MTBP: variants seen among roughly 807,000 people sequenced by gnomAD.
The protein encoded by MTBP is MDM2 binding protein, also known as mdm2-binding protein.
In MTBP, 101 loss-of-function variants were observed where a neutral mutation model predicts 117.0. The ratio of observed to expected loss-of-function variants is 0.86; its 90% confidence interval spans 0.73 to 1.02. MTBP has a LOEUF of 1.02. Among genes scored for constraint, MTBP ranks in the 50% least tolerant of loss-of-function variants. The pLI is 0.00. For missense variants in MTBP, 970 were observed against 1,030.9 expected, an observed-to-expected ratio of 0.94 and a Z score of 0.81; for synonymous variants, 350 against 351.5, an observed-to-expected ratio of 1.00 and a Z score of 0.05.
intron 11 of MTBP, among the ~76,000 whole-genome samples, chr8:120,476,415 G>T (rs1813940095): frequency 6.6e-6 from 1 of 151,146 alleles, no homozygotes; most frequent in Non-Finnish European, 1.5e-5. Context: ...AGGTAATCAG[G>T]CAAGAGAAAG....
intron 11 of MTBP, among the ~76,000 whole-genome samples, chr8:120,485,000 C>T (rs1226554789): frequency 6.6e-6 from 1 of 152,026 alleles, no homozygotes; most frequent in Non-Finnish European, 1.5e-5. Flanking sequence ...AGGACATCAT[C>T]CTCTTTATTG....
chr8:120,487,893 C>T (rs1814251906), intron 11 of MTBP, among the ~76,000 whole-genome samples: 1 of 152,164 alleles, frequency 6.6e-6, no homozygotes, highest in African/African-American at 2.4e-5. Flanking sequence ...AAGAAATATA[C>T]TGTAGATATG....
At chr8:120,487,332 G>A (rs1193999384) in intron 11 of MTBP, among the ~76,000 whole-genome samples, 1 of 152,156 alleles carries the variant, frequency 6.6e-6, no homozygotes, top group Non-Finnish European at 1.5e-5. Flanking sequence ...TTTCTCTGCT[G>A]TTTTTCTCAG....
intron 10 of MTBP, among the ~76,000 whole-genome samples, chr8:120,466,211 C>CTTT (rs33994178): frequency 1.1e-4 from 14 of 128,092 alleles, no homozygotes; most frequent in African/African-American, 4.2e-4. Flanking sequence ...GTTTTTTACT[C>CTTT]TTTTTTTTTT....
intron 13 of MTBP, among the ~76,000 whole-genome samples, chr8:120,490,864 A>C (rs1814330260): frequency 6.6e-6 from 1 of 152,016 alleles, no homozygotes; most frequent in Admixed American, 6.6e-5. Context: ...TGTAAGTTTT[A>C]TTTTTCTATG....
At chr8:120,510,107 A>G (rs1260487331) in intron 17 of MTBP, 78 bp downstream of exon 17, 5 of 1,046,378 alleles carry the variant, frequency 4.8e-6, no homozygotes, top group Non-Finnish European at 6.9e-6. Context: ...CTTTAATAAA[A>G]TGATATAAAT....
At chr8:120,453,650 T>C (rs1170695518) in intron 4 of MTBP, among the ~76,000 whole-genome samples, 197 bp from the exon 5 acceptor site, 1 of 137,556 alleles carries the variant, frequency 7.3e-6, no homozygotes, top group Admixed American at 7.8e-5. Flanking sequence ...TATGTAACTT[T>C]AGGGAAGTTA....
chr8:120,515,887 T>G, intron 17 of MTBP, 38 bp from the exon 18 acceptor site: 2 of 1,587,270 alleles, frequency 1.3e-6, no homozygotes, highest in Non-Finnish European at 1.7e-6. Context: ...GTTGCTCTCA[T>G]GGAGGTTTAC....
chr8:120,454,613 G>A (rs1186559251), intron 5 of MTBP, among the ~76,000 whole-genome samples: 3 of 152,016 alleles, frequency 2.0e-5, no homozygotes, highest in East Asian at 3.8e-4. Context: ...TAAAGCATCT[G>A]TGATTAACAT....
chr8:120,504,385 A>G (rs1814651084), intron 15 of MTBP, among the ~76,000 whole-genome samples: 1 of 151,632 alleles, frequency 6.6e-6, no homozygotes, highest in African/African-American at 2.4e-5. Context: ...TCTTAATTTT[A>G]TTTTTCTTCT....
chr8:120,495,505 A>T (rs1054924522), intron 13 of MTBP, among the ~76,000 whole-genome samples: 2 of 151,166 alleles, frequency 1.3e-5, no homozygotes, highest in South Asian at 2.1e-4. Flanking sequence ...TGAAATCTGA[A>T]TTTTTTTTTA....
intron 11 of MTBP, among the ~76,000 whole-genome samples, chr8:120,476,075 G>A (rs1563792680): frequency 6.6e-6 from 1 of 151,870 alleles, no homozygotes; most frequent in Non-Finnish European, 1.5e-5. Context: ...GTCACAGGGT[G>A]GAATTAGAAT....
At chr8:120,458,440 T>C (rs1194077818) in intron 7 of MTBP, among the ~76,000 whole-genome samples, 9 of 152,164 alleles carry the variant, frequency 5.9e-5, no homozygotes, top group South Asian at 4.1e-4. Context: ...TGCCTACCAT[T>C]ACTATTATTA....
intron 4 of MTBP, among the ~76,000 whole-genome samples, chr8:120,453,029 A>G (rs1430187603): frequency 6.6e-6 from 1 of 152,212 alleles, no homozygotes; most frequent in Non-Finnish European, 1.5e-5. Context: ...TGCATCATAT[A>G]GATAAAACTA....
chr8:120,506,395 T>C (rs1814685901), intron 15 of MTBP, among the ~76,000 whole-genome samples: 1 of 152,166 alleles, frequency 6.6e-6, no homozygotes, highest in Non-Finnish European at 1.5e-5. Context: ...CACCACTGAA[T>C]AATAGGCCAT....
intron 11 of MTBP, among the ~76,000 whole-genome samples, chr8:120,481,592 T>A (rs7015268): frequency 0.54 from 81,457 of 151,954 alleles, 24,808 homozygotes; most frequent in Non-Finnish European, 0.67. Flanking sequence ...TGAAATTTCT[T>A]CAAAAGGCAG....
At chr8:120,506,135 T>C (rs1814680410) in intron 15 of MTBP, among the ~76,000 whole-genome samples, 1 of 152,184 alleles carries the variant, frequency 6.6e-6, no homozygotes, top group South Asian at 2.1e-4. Context: ...TTGAAAAATA[T>C]AAAGTCCTGC....
At chr8:120,491,825 CCT>C (rs1454436261) in intron 13 of MTBP, among the ~76,000 whole-genome samples, 1 of 152,056 alleles carries the variant, frequency 6.6e-6, no homozygotes, top group Non-Finnish European at 1.5e-5. Context: ...AGAGCAGGGA[CCT>C]CTCTAAAGCT....
chr8:120,469,796 C>CT (rs1418324691), intron 10 of MTBP, among the ~76,000 whole-genome samples: 1 of 152,150 alleles, frequency 6.6e-6, no homozygotes, highest in Non-Finnish European at 1.5e-5. Context: ...AGAACATATT[C>CT]CAATATCAAA....
Sources: gnomAD v4.1 joint callset for allele counts (sites outside exome capture counted in the v4.1 genomes callset) on GRCh38, gnomAD v4.1.1 for gene constraint, MANE v1.5 for transcripts, NCBI Gene and HGNC (gene_info 2026-07-23, HGNC 2026-07-21) for gene names.